Variants in MAPK6 observed in about 807,000 individuals in gnomAD.
MAPK6 encodes mitogen-activated protein kinase 6.
In MAPK6, 19 loss-of-function variants were observed where a neutral mutation model predicts 59.3. The ratio of observed to expected loss-of-function variants is 0.32; its 90% CI spans 0.22 to 0.47. MAPK6 has a LOEUF of 0.47. Among genes scored for constraint, MAPK6 ranks in the 20% least tolerant of loss-of-function variants. MAPK6 has a pLI of 1.00. For synonymous variants in MAPK6, 316 were observed against 290.3 expected (o/e 1.09, Z -0.90); for missense variants, 724 against 847.9 (o/e 0.85, Z 1.81).
intron 3 of MAPK6, among the ~76,000 whole-genome samples, chr15:52,008,305 G>A (rs923130507): frequency 6.6e-6 from 1 of 152,136 alleles, no homozygotes; most frequent in African/African-American, 2.4e-5. Flanking sequence ...ATAGGGTACC[G>A]TGGTCTTTTA....
intron 1 of MAPK6, among the ~76,000 whole-genome samples, chr15:52,020,536 A>G (rs2030485054): frequency 6.6e-6 from 1 of 152,120 alleles, no homozygotes; most frequent in African/African-American, 2.4e-5. Flanking sequence ...AAGCAGCTTC[A>G]GAGTAATTTT....
chr15:52,010,514 C>CTTTTT (rs762352581), intron 3 of MAPK6, among the ~76,000 whole-genome samples: 5 of 91,864 alleles, frequency 5.4e-5, no homozygotes, highest in Non-Finnish European at 1.1e-4. Flanking sequence ...TGCACCCAGC[C>CTTTTT]TTTTTTTTTT....
chr15:52,029,389 C>A (rs909931473), intron 1 of MAPK6, among the ~76,000 whole-genome samples: 16 of 152,014 alleles, frequency 1.1e-4, no homozygotes, highest in African/African-American at 3.9e-4. Flanking sequence ...CAGGATAAAA[C>A]TCCTGGGTTT....
chr15:52,046,929 A>T lies in MAPK6; in HGVS notation c.469A>T (p.Asn157Tyr). ...NVLHRDLKPANLFINTEDLVL... is the reference protein window; with the variant it reads ...NVLHRDLKPAYLFINTEDLVL... ...ACTGCACAGAGATCTCAAACCAGCTAATCTTTTCATTAATACGGAAGACTT... is the reference window on the plus strand; with the variant it reads ...ACTGCACAGAGATCTCAAACCAGCTTATCTTTTCATTAATACGGAAGACTT... The change falls in exon 2 of 6, where the codon AAT becomes TAT. Residue 157 changes from asparagine to tyrosine, a missense_variant. Coordinates refer to ENST00000261845, the MANE Select transcript of MAPK6 (RefSeq NM_002748.4). The T allele has an allele frequency of 6.2e-7, 1 of 1,613,898 alleles. No homozygotes were observed. The highest frequency in any genetic ancestry group is 8.5e-7 in the Non-Finnish European group (1 of 1,179,932).
intron 1 of MAPK6, among the ~76,000 whole-genome samples, chr15:52,020,374 G>C (rs1181081634): frequency 6.6e-6 from 1 of 152,088 alleles, no homozygotes; most frequent in Non-Finnish European, 1.5e-5. Flanking sequence ...CCAGTGAAAG[G>C]GACTGGTGAG....
intron 1 of MAPK6, among the ~76,000 whole-genome samples, chr15:52,022,835 G>A (rs1288363151): frequency 6.6e-6 from 1 of 152,054 alleles, no homozygotes; most frequent in African/African-American, 2.4e-5. Flanking sequence ...CTGAGGCCGG[G>A]GGCAGTGGCT....
At chr15:51,990,068 G>A (rs900669216) in intron 2 of MAPK6, among the ~76,000 whole-genome samples, 15 of 152,342 alleles carry the variant, frequency 9.8e-5, no homozygotes, top group Middle Eastern at 3.4e-3. Flanking sequence ...GGAACAGCCT[G>A]AACAAGTGAA....
At chr15:52,052,606 T>C (rs1005801501) in intron 3 of MAPK6, among the ~76,000 whole-genome samples, 2 of 152,306 alleles carry the variant, frequency 1.3e-5, no homozygotes, top group East Asian at 1.9e-4. Context: ...TAATCTACTT[T>C]ATGTCTCTAT....
intron 2 of MAPK6, among the ~76,000 whole-genome samples, chr15:51,997,593 T>A (rs955273035): frequency 4.0e-5 from 6 of 149,156 alleles, no homozygotes; most frequent in African/African-American, 1.5e-4. Context: ...TTTCTTTCTT[T>A]TTTTTTTTTT....
chr15:52,033,216 G>A (rs1415495761), intron 1 of MAPK6, among the ~76,000 whole-genome samples: 1 of 152,186 alleles, frequency 6.6e-6, no homozygotes. Context: ...TGATTGGATT[G>A]AAGGATGCCT....
At chr15:52,060,360 G>C (rs909238359) in intron 4 of MAPK6, among the ~76,000 whole-genome samples, 1 of 152,244 alleles carries the variant, frequency 6.6e-6, no homozygotes, top group African/African-American at 2.4e-5. Flanking sequence ...TGACCATAGT[G>C]AAGAGGTAGG....
At position 51,985,775 on chromosome 15, in the gene MAPK6, G is replaced by T. The variant is rs552439972; in HGVS notation, c.-770+2460G>T. Among the ~76,000 whole-genome samples the T allele has an allele frequency of 6.4e-4, 97 of 152,056 alleles. 1 individual carries two copies. The highest frequency in any genetic ancestry group is 2.3e-3 in the African/African-American group (95 of 41,470). ...ACATCAAGACCATCCTGGCTAACACGGTGAAACCCCGTCTTTACTAAAAAT... is the reference window on the plus strand; with the variant it reads ...ACATCAAGACCATCCTGGCTAACACTGTGAAACCCCGTCTTTACTAAAAAT... On this transcript the variant is annotated intron_variant, in intron 2 of 7. Transcript: ENST00000691380.
At chr15:52,049,890 G>A in intron 2 of MAPK6, 103 bp from the exon 3 acceptor site, 1 of 1,075,020 alleles carries the variant, frequency 9.3e-7, no homozygotes, top group Non-Finnish European at 1.4e-6. Context: ...TGGGATTACA[G>A]GCATGAGCCA....
chr15:52,055,515 T>TTTTG lies in MAPK6; in HGVS notation c.701-3102_701-3099dup, dbSNP rs199944122. ...GCTGCATGGATTATACAAAGGGTTT[T>TTTTG]TTTGTTTGTTTGTTTGTTTTGGAGG... is the stretch of plus-strand genomic sequence containing the variant. On this transcript the variant is annotated intron_variant, in intron 3 of 5. Transcript: ENST00000261845. Among the ~76,000 whole-genome samples, 77 of 152,272 alleles carry TTTTG rather than the reference T, an allele frequency of 5.1e-4. 1 individual carries two copies. Among genetic ancestry groups the TTTTG allele is most frequent in the East Asian group, 1.5e-3 (8 of 5,192 alleles).
intron 1 of MAPK6, among the ~76,000 whole-genome samples, chr15:51,978,179 C>G (rs1226434698): frequency 2.0e-5 from 3 of 151,204 alleles, no homozygotes. Context: ...GTCGCCCAAG[C>G]TGGAGTACAG....
At chr15:52,026,449 G>A (rs527908111) in intron 1 of MAPK6, among the ~76,000 whole-genome samples, 3 of 152,164 alleles carry the variant, frequency 2.0e-5, no homozygotes, top group Admixed American at 6.5e-5. Flanking sequence ...GCACCACCAC[G>A]CCCAGCTAAT....
chr15:51,974,970 A>C (rs1222489992), intron 1 of MAPK6, among the ~76,000 whole-genome samples: 3 of 151,306 alleles, frequency 2.0e-5, no homozygotes, highest in Non-Finnish European at 4.4e-5. Flanking sequence ...CATCCACCTC[A>C]ACCTCCCAAA....
chr15:52,030,962 T>G (rs2031007903), intron 1 of MAPK6, among the ~76,000 whole-genome samples: 1 of 152,072 alleles, frequency 6.6e-6, no homozygotes, highest in Non-Finnish European at 1.5e-5. Flanking sequence ...TGGCTCATTT[T>G]TTTGTATTTT....
In MAPK6 at chr15:52,064,190, A is replaced by G. The variant is rs551953693; in HGVS notation, c.1356A>G (p.Ser452=). The change falls in exon 6 of 6, where the codon TCA becomes TCG. Residue 452 remains serine, a synonymous_variant. Coordinates refer to ENST00000261845, the MANE Select transcript of MAPK6 (RefSeq NM_002748.4). ...HTCNYKTRSS[S]YLDNLVWRES... The stretch of plus-strand genomic sequence containing the variant: ...GTAACTACAAAACGAGGTCATCATC[A>G]TATTTAGATAACTTAGTTTGGAGAG... The G allele has an allele frequency of 6.2e-7, 1 of 1,612,648 alleles. No homozygotes were observed. The highest frequency in any genetic ancestry group is 1.3e-5 in the African/African-American group (1 of 75,032).
Sources: gnomAD v4.1 joint callset for allele counts (sites outside exome capture counted in the v4.1 genomes callset) on GRCh38, gnomAD v4.1.1 for gene constraint, MANE v1.5 for transcripts, NCBI Gene and HGNC (gene_info 2026-07-23, HGNC 2026-07-21) for gene names.